AADAT: variants seen among roughly 807,000 people sequenced by gnomAD.
The protein encoded by AADAT is kynurenine/alpha-aminoadipate aminotransferase, mitochondrial.
A neutral mutation model predicts 56.2 loss-of-function variants in AADAT; 25 were observed. That is an observed-to-expected ratio of 0.44 (90% CI 0.32 to 0.62). The LOEUF is 0.62. AADAT is among the 20% of genes least tolerant of loss of function. The probability of loss-of-function intolerance (pLI) is 0.04; values close to 1 mark genes in which losing one functional copy is unlikely to be tolerated. For missense variants in AADAT, 387 were observed against 510.5 expected, an observed-to-expected ratio of 0.76 and a Z score of 2.33; for synonymous variants, 173 against 164.7, an observed-to-expected ratio of 1.05 and a Z score of -0.39.
chr4:170,079,023 A>G (rs1182297558), intron 3 of AADAT, among the ~76,000 whole-genome samples: 1 of 152,218 alleles, frequency 6.6e-6, no homozygotes, highest in Non-Finnish European at 1.5e-5. Flanking sequence ...TGTCAGAGAT[A>G]AAATAGCAAA....
rs765264166 is a variant in AADAT, at chr4:170,070,599, G to C, written c.708C>G (p.Leu236=). 2 of 1,582,914 alleles carry C rather than the reference G, an allele frequency of 1.3e-6. No homozygotes were observed. The highest frequency in any genetic ancestry group is 1.3e-5 in the African/African-American group (1 of 74,180). Residue 236 remains leucine, a synonymous_variant, in exon 6 of 13, where the codon CTC becomes CTG. Coordinates refer to ENST00000337664, the MANE Select transcript of AADAT (RefSeq NM_016228.4). The stretch of plus-strand genomic sequence containing the variant: ...CATAATCACTTACCTTGTTAAACTG[G>C]AGAAAATAGTAAGGATCATCTTCTA... The part of the protein sequence containing the change: ...LIIEDDPYYF[L]QFNKFRVPTF...
chr4:170,067,222 C>T lies in AADAT; in HGVS notation c.962+105G>A, dbSNP rs936098614. 4 of 852,158 alleles carry T rather than the reference C, an allele frequency of 4.7e-6. No homozygotes were observed. In the South Asian group the frequency reaches 5.2e-5, roughly 11 times the overall value. The allele number at this position is 852,158 out of a possible 1,614,324, so 52.8% of individuals were successfully genotyped here. On this transcript the variant is annotated intron_variant, in intron 9 of 12. Coordinates refer to ENST00000337664, the MANE Select transcript of AADAT (RefSeq NM_016228.4). Reference sequence around the variant, plus strand: ...GACCGTTCCTATTGTCTCTCCTTTCCGAGGATACTTAGGAAGGAAGAATAA... The same window carrying T: ...GACCGTTCCTATTGTCTCTCCTTTCTGAGGATACTTAGGAAGGAAGAATAA...
In AADAT at chr4:170,088,536, C is replaced by T. The variant is rs138904113; in HGVS notation, c.96G>A (p.Ser32=). The change falls in exon 2 of 13, where the codon TCG becomes TCA. Residue 32 remains serine, a synonymous_variant. Transcript: ENST00000337664. ...MTDILSRGPK[S]MISLAGGLPN... ...GTAAGCCACCAGCCAAGGAGATCAT[C>T]GATTTTGGTCCTCTGCTCAATATGT... The T allele has an allele frequency of 4.8e-5, 77 of 1,612,772 alleles. No individual in the cohort carries two copies. In the African/African-American group the frequency reaches 8.1e-4, roughly 17 times the overall value.
intron 3 of AADAT, 53 bp from the exon 4 acceptor site, chr4:170,078,636 T>G: frequency 4.6e-6 from 6 of 1,304,210 alleles, no homozygotes; most frequent in Non-Finnish European, 6.4e-6. Flanking sequence ...TAGTACTGTT[T>G]CCATGCTCAG....
intron 3 of AADAT, among the ~76,000 whole-genome samples, chr4:170,080,483 C>G (rs935985828): frequency 3.9e-5 from 6 of 152,122 alleles, no homozygotes; most frequent in African/African-American, 1.4e-4. Flanking sequence ...GGAAAAACAT[C>G]CCTGAGGACA....
chr4:170,078,118 G>A (rs531849485), intron 4 of AADAT, among the ~76,000 whole-genome samples: 2 of 152,106 alleles, frequency 1.3e-5, no homozygotes, highest in Non-Finnish European at 2.9e-5. Flanking sequence ...TACCATATAA[G>A]TATACTAAAC....
chr4:170,067,426 C>T, intron 8 of AADAT, 38 bp from the exon 9 acceptor site: 7 of 1,552,790 alleles, frequency 4.5e-6, no homozygotes, highest in African/African-American at 1.4e-5. Context: ...TGTTTCATCC[C>T]CTGAAAATGT....
chr4:170,091,669 C>G (rs1732842537), upstream of AADAT: 1 of 152,810 alleles, frequency 6.5e-6, no homozygotes, highest in Admixed American at 6.5e-5. Context: ...AGTGCCGGCT[C>G]CACTGGGGGA....
chr4:170,062,340 C>G (rs183254348), intron 11 of AADAT, among the ~76,000 whole-genome samples: 1 of 152,222 alleles, frequency 6.6e-6, no homozygotes, highest in Admixed American at 6.5e-5. Flanking sequence ...AATGTTTAAT[C>G]TAACTAGAAA....
At chr4:170,092,434 A>G (rs531879910), upstream of AADAT, among the ~76,000 whole-genome samples, 12 of 152,336 alleles carry the variant, frequency 7.9e-5, no homozygotes, top group South Asian at 2.3e-3. Context: ...CCACGAACCC[A>G]CCAGAAGGAA....
intron 9 of AADAT, 90 bp from the exon 10 acceptor site, chr4:170,066,568 T>G: frequency 1.1e-6 from 1 of 932,460 alleles, no homozygotes; most frequent in Non-Finnish European, 1.7e-6. Context: ...AAGAATTTGT[T>G]TTCTATCTTG....
At chr4:170,088,351 T>C (rs1561026028) in intron 2 of AADAT, 45 bp downstream of exon 2, 1 of 1,513,142 alleles carries the variant, frequency 6.6e-7, no homozygotes, top group Non-Finnish European at 9.0e-7. Flanking sequence ...AGAATATTTC[T>C]TATGAAAATA....
chr4:170,070,700 TAA>T, intron 5 of AADAT, 48 bp from the exon 6 acceptor site: 1 of 1,278,434 alleles, frequency 7.8e-7, no homozygotes, highest in Non-Finnish European at 1.1e-6. Context: ...ATTTATTTCT[TAA>T]AAGTTATCTA....
Position 170,086,624 on chromosome 4 carries a change from C to T in AADAT, c.369+492G>A, listed in dbSNP as rs117426094. 2.0e-4 allele frequency among the ~76,000 whole-genome samples: 31 copies of T among 152,178 alleles called. No homozygotes were observed. In the East Asian group the frequency reaches 5.6e-3, roughly 28 times the overall value. On this transcript the variant is annotated intron_variant, in intron 3 of 12. Transcript: ENST00000337664. Reference sequence around the variant, plus strand: ...TTCCTAACTATAGGCGGAAATCAAACGTAACTTGAATTTTTGAGCCAGATG... The same window carrying T: ...TTCCTAACTATAGGCGGAAATCAAATGTAACTTGAATTTTTGAGCCAGATG...
chr4:170,090,566 C>T (rs779212619), upstream of AADAT: 2 of 152,128 alleles, frequency 1.3e-5, no homozygotes, highest in African/African-American at 4.8e-5. Flanking sequence ...CTCTGAGTCT[C>T]TTCAATTTTA....
At chr4:170,077,298 C>T (rs1723877494) in intron 4 of AADAT, among the ~76,000 whole-genome samples, 1 of 152,096 alleles carries the variant, frequency 6.6e-6, no homozygotes, top group Non-Finnish European at 1.5e-5. Context: ...AATATCTTAA[C>T]AATATTAAGT....
chr4:170,092,624 C>A (rs1039302326), upstream of AADAT, among the ~76,000 whole-genome samples: 1 of 152,246 alleles, frequency 6.6e-6, no homozygotes, highest in Non-Finnish European at 1.5e-5. Context: ...CAAAATGCTT[C>A]TGCGTTCAGA....
At chr4:170,070,855 G>A (rs888904609) in intron 5 of AADAT, among the ~76,000 whole-genome samples, 1 of 152,218 alleles carries the variant, frequency 6.6e-6, no homozygotes, top group Non-Finnish European at 1.5e-5. Flanking sequence ...CAGGGGGAAA[G>A]ACAGAATATA....
intron 8 of AADAT, 56 bp from the exon 9 acceptor site, chr4:170,067,444 G>A: frequency 6.8e-7 from 1 of 1,464,454 alleles, no homozygotes. Context: ...TGTACTTTTT[G>A]CCATATATAA....
Sources: allele counts gnomAD v4.1 joint callset (sites outside exome capture counted in the v4.1 genomes callset), GRCh38; gene constraint gnomAD v4.1.1; transcripts MANE v1.5; gene names NCBI Gene and HGNC (gene_info 2026-07-23, HGNC 2026-07-21).